Variants in SPON1 observed in about 807,000 individuals in gnomAD.
SPON1 encodes spondin-1.
SPON1 carries 52 observed loss-of-function variants against 111.7 expected under a neutral mutation model. The ratio of observed to expected loss-of-function variants is 0.47; its 90% CI spans 0.37 to 0.59. SPON1 has a LOEUF of 0.59. SPON1 is among the 20% of genes least tolerant of loss of function. The pLI is 0.00. For missense variants in SPON1, 957 were observed against 1,068.5 expected, an observed-to-expected ratio of 0.90 and a Z score of 1.46; for synonymous variants, 410 against 395.8, an observed-to-expected ratio of 1.04 and a Z score of -0.43.
At chr11:14,032,370 A>AT (rs1485563505) in intron 2 of SPON1, among the ~76,000 whole-genome samples, 5 of 152,164 alleles carry the variant, frequency 3.3e-5, no homozygotes, top group Admixed American at 3.3e-4. Flanking sequence ...GTATGGAGTA[A>AT]TTATAAGAAG....
intron 6 of SPON1, among the ~76,000 whole-genome samples, chr11:14,156,428 C>T (rs1277690874): frequency 2.8e-5 from 4 of 142,478 alleles, no homozygotes; most frequent in Non-Finnish European, 3.1e-5. Flanking sequence ...CAAAAATTTT[C>T]TCCCATTCTG....
chr11:14,239,427 G>C (rs1313473130), intron 6 of SPON1, among the ~76,000 whole-genome samples: 3 of 152,094 alleles, frequency 2.0e-5, no homozygotes, highest in Non-Finnish European at 4.4e-5. Flanking sequence ...CACAAGACTT[G>C]CCAAAAAACA....
At chr11:13,973,451 T>C (rs1848078841) in intron 1 of SPON1, among the ~76,000 whole-genome samples, 1 of 152,198 alleles carries the variant, frequency 6.6e-6, no homozygotes, top group African/African-American at 2.4e-5. Context: ...ATCCTTCCCA[T>C]TATTCCTCCT....
chr11:14,069,881 C>A (rs1296693609), intron 3 of SPON1, among the ~76,000 whole-genome samples: 1 of 151,922 alleles, frequency 6.6e-6, no homozygotes, highest in Non-Finnish European at 1.5e-5. Context: ...TAGATAGAGT[C>A]CTGCAGATAA....
intron 6 of SPON1, among the ~76,000 whole-genome samples, chr11:14,187,842 G>A (rs1376242526): frequency 4.6e-5 from 7 of 151,170 alleles, no homozygotes; most frequent in Admixed American, 2.0e-4. Context: ...GTGTAATGGC[G>A]CAATCTCAGC....
intron 5 of SPON1, among the ~76,000 whole-genome samples, chr11:14,111,406 T>C (rs1179160097): frequency 1.3e-5 from 2 of 152,210 alleles, no homozygotes; most frequent in Admixed American, 6.5e-5. Flanking sequence ...ATATCTGATA[T>C]AGAGTTAGTG....
chr11:14,170,639 A>T (rs1307810196), intron 6 of SPON1, among the ~76,000 whole-genome samples: 1 of 151,840 alleles, frequency 6.6e-6, no homozygotes, highest in Non-Finnish European at 1.5e-5. Context: ...GGTTTGTCAT[A>T]GATAGCGCTT....
chr11:13,996,807 A>T (rs1344303253), intron 2 of SPON1, among the ~76,000 whole-genome samples: 2 of 152,112 alleles, frequency 1.3e-5, no homozygotes, highest in East Asian at 3.9e-4. Context: ...TTTTATTTTT[A>T]TGGGAACATT....
intron 6 of SPON1, among the ~76,000 whole-genome samples, chr11:14,140,038 G>A (rs1564913734): frequency 1.3e-5 from 2 of 152,272 alleles, no homozygotes; most frequent in East Asian, 1.9e-4. Context: ...CTACTCAGAC[G>A]AAATTAACAA....
At position 14,254,702 on chromosome 11, in the gene SPON1, T is replaced by G. The variant is rs1554940990; in HGVS notation, c.1065T>G (p.Ala355=). The G allele has an allele frequency of 3.7e-6, 6 of 1,613,864 alleles. No homozygotes were observed. The African/African-American group carries it at 8.0e-5, about 22-fold the overall frequency. ...TGCAAGACCTGATTCCCTGGGACGC[T>G]GGCACCGACAGCGGGGTGACCTATG... ...KVVQDLIPWD[A]GTDSGVTYES... is the part of the protein sequence containing the mutation. Residue 355 remains alanine, a synonymous_variant, in exon 8 of 16, where the codon GCT becomes GCG. Transcript: ENST00000576479.
chr11:13,962,988 C>A lies in SPON1; in HGVS notation c.84C>A (p.Ala28=). 6.3e-7 allele frequency: 1 copy of A among 1,595,486 alleles called. No homozygotes were observed. The highest frequency in any genetic ancestry group is 1.3e-5 in the African/African-American group (1 of 74,170). The part of the protein sequence containing the change: ...ALALPLAAAL[A]FSDETLDKVP... The stretch of plus-strand genomic sequence containing the variant: ...CGCTGCCCCTGGCCGCGGCGCTGGC[C>A]TTCTCCGACGAGACCCTGGACAAAG... The change falls in exon 1 of 16, where the codon GCC becomes GCA. Residue 28 remains alanine, a synonymous_variant. Coordinates refer to ENST00000576479, the MANE Select transcript of SPON1 (RefSeq NM_006108.4).
intron 2 of SPON1, among the ~76,000 whole-genome samples, chr11:14,010,435 G>A (rs1364085073): frequency 2.0e-5 from 3 of 152,098 alleles, no homozygotes; most frequent in South Asian, 2.1e-4. Context: ...AAGGAGGGAC[G>A]AGGTTGAGGG....
At chr11:14,243,538 G>T (rs941533604) in intron 7 of SPON1, 142 bp downstream of exon 7, 44 of 725,518 alleles carry the variant, frequency 6.1e-5, no homozygotes, top group Non-Finnish European at 9.4e-5. Context: ...TGCTTTCTAT[G>T]TGCAGAGCAT....
chr11:14,065,164 CTGAG>C (rs1591365824), intron 3 of SPON1, among the ~76,000 whole-genome samples: 1 of 152,142 alleles, frequency 6.6e-6, no homozygotes, highest in Non-Finnish European at 1.5e-5. Context: ...AGCAGAAAAC[CTGAG>C]TGAGAGGAAA....
Position 14,234,766 on chromosome 11 carries a change from G to A in SPON1, c.826-8566G>A, listed in dbSNP as rs150405303. ...ATCTCAGGGGAAAATCATTATCTAC[G>A]GACATTATGCAATTTTCCCATCGAA... is the stretch of plus-strand genomic sequence containing the variant. On this transcript the variant is annotated intron_variant, in intron 6 of 15. Coordinates refer to ENST00000576479, the MANE Select transcript of SPON1 (RefSeq NM_006108.4). 5.3e-3 allele frequency among the ~76,000 whole-genome samples: 811 copies of A among 152,300 alleles called. 6 individuals carry two copies. The highest frequency in any genetic ancestry group is 9.0e-3 in the Non-Finnish European group (613 of 68,030).
intron 6 of SPON1, among the ~76,000 whole-genome samples, chr11:14,233,758 C>CTTTTTTTTT (rs10610600): frequency 6.2e-5 from 6 of 96,848 alleles, no homozygotes; most frequent in Admixed American, 1.3e-4. Flanking sequence ...GTTTCTTTTT[C>CTTTTTTTTT]TTTTTTTTTT....
At chr11:14,260,989 A>AATGAC (rs1404574500) in intron 14 of SPON1, among the ~76,000 whole-genome samples, 1 of 152,256 alleles carries the variant, frequency 6.6e-6, no homozygotes, top group African/African-American at 2.4e-5. Context: ...GTGAAGTCTA[A>AATGAC]ATGACAGACA....
chr11:14,125,555 C>T (rs376282129), intron 5 of SPON1, among the ~76,000 whole-genome samples: 2 of 152,140 alleles, frequency 1.3e-5, no homozygotes, highest in South Asian at 4.1e-4. Context: ...GGTTAGACAA[C>T]AGAAGGTTGC....
At chr11:14,241,547 C>T (rs1386660090) in intron 6 of SPON1, among the ~76,000 whole-genome samples, 4 of 152,148 alleles carry the variant, frequency 2.6e-5, no homozygotes, top group Non-Finnish European at 4.4e-5. Flanking sequence ...GTTTGGCACC[C>T]GGCTCAGGCA....
Sources: gnomAD v4.1 joint callset for allele counts (sites outside exome capture counted in the v4.1 genomes callset) on GRCh38, gnomAD v4.1.1 for gene constraint, MANE v1.5 for transcripts, NCBI Gene and HGNC (gene_info 2026-07-23, HGNC 2026-07-21) for gene names.